RBFOX3: variants seen among roughly 807,000 people sequenced by gnomAD.
The protein encoded by RBFOX3 is RNA binding fox-1 homolog 3.
A neutral mutation model predicts 48.7 loss-of-function variants in RBFOX3; 17 were observed. That is an observed-to-expected ratio of 0.35 (90% CI 0.24 to 0.52). The LOEUF (loss-of-function observed/expected upper bound fraction) is 0.52, where lower values mean the gene tolerates loss of function less well. Among genes scored for constraint, RBFOX3 ranks in the 20% least tolerant of loss-of-function variants. The pLI is 0.94. For missense variants in RBFOX3, 382 were observed against 497.5 expected (o/e 0.77, Z 2.21); for synonymous variants, 212 against 209.5 (o/e 1.01, Z -0.10).
chr17:79,161,522 G>A (rs764940848), intron 4 of RBFOX3, among the ~76,000 whole-genome samples: 1 of 152,322 alleles, frequency 6.6e-6, no homozygotes, highest in East Asian at 1.9e-4. Context: ...AGGCCCGGAA[G>A]CTGGCCTGCC....
chr17:79,152,617 T>TG (rs1378039582), intron 4 of RBFOX3, among the ~76,000 whole-genome samples: 1 of 151,964 alleles, frequency 6.6e-6, no homozygotes. Flanking sequence ...CTCTGGGAGC[T>TG]GGGAGAGGTG....
chr17:79,374,615 G>A (rs760557110), intron 2 of RBFOX3, among the ~76,000 whole-genome samples: 1 of 152,234 alleles, frequency 6.6e-6, no homozygotes, highest in African/African-American at 2.4e-5. Context: ...CAGCGAGGTT[G>A]GCACACGCAC....
intron 2 of RBFOX3, among the ~76,000 whole-genome samples, chr17:79,468,990 A>G (rs1555755410): frequency 7.2e-6 from 1 of 138,208 alleles, no homozygotes; most frequent in Non-Finnish European, 1.6e-5. Flanking sequence ...ATGGATGGAT[A>G]GCAGATAGGC....
At chr17:79,183,717 G>A (rs576290262) in intron 4 of RBFOX3, among the ~76,000 whole-genome samples, 1 of 150,800 alleles carries the variant, frequency 6.6e-6, no homozygotes, top group African/African-American at 2.4e-5. Context: ...GTGAGTGCGC[G>A]CGTGTGCGCG....
chr17:79,470,674 T>C (rs1356744904), intron 2 of RBFOX3, among the ~76,000 whole-genome samples: 1 of 145,146 alleles, frequency 6.9e-6, no homozygotes, highest in African/African-American at 2.9e-5. Context: ...CCTCTCAAAG[T>C]ATCCGTTCTA....
chr17:79,161,296 G>T (rs891903154), intron 4 of RBFOX3, among the ~76,000 whole-genome samples: 2 of 152,166 alleles, frequency 1.3e-5, no homozygotes, highest in Non-Finnish European at 2.9e-5. Context: ...GGACAGGTCA[G>T]GTTGGAGAAG....
chr17:79,273,547 G>T (rs749823255), intron 3 of RBFOX3, among the ~76,000 whole-genome samples: 1 of 139,600 alleles, frequency 7.2e-6, no homozygotes, highest in Non-Finnish European at 1.5e-5. Flanking sequence ...AGCTTGGCAG[G>T]CTATAGGGTA....
intron 4 of RBFOX3, among the ~76,000 whole-genome samples, chr17:79,230,405 A>G (rs1056943945): frequency 1.3e-5 from 2 of 151,904 alleles, no homozygotes; most frequent in East Asian, 1.9e-4. Flanking sequence ...GACTACAGTC[A>G]CCCGCCACCA....
At position 79,243,384 on chromosome 17, in the gene RBFOX3, G is replaced by T. The variant is rs2062686011; in HGVS notation, c.-73-7579C>A. ...TAACTCCAACCTGCCTCCCACCCCAGCACTTGTGCAGCCTCAACGCCCAAC... is the reference window on the plus strand; with the variant it reads ...TAACTCCAACCTGCCTCCCACCCCATCACTTGTGCAGCCTCAACGCCCAAC... On this transcript the variant is annotated intron_variant, in intron 3 of 14. Coordinates refer to ENST00000693108, the MANE Select transcript of RBFOX3 (RefSeq NM_001350451.2). The surrounding 1 kb of genome is among the most constrained non-coding windows in gnomAD (Gnocchi z 7.9). Among the ~76,000 whole-genome samples, 1 of 152,144 alleles carries T rather than the reference G, an allele frequency of 6.6e-6. No individual in the cohort carries two copies. The highest frequency in any genetic ancestry group is 1.5e-5 in the Non-Finnish European group (1 of 68,020).
At chr17:79,211,948 T>C (rs1354254818) in intron 4 of RBFOX3, among the ~76,000 whole-genome samples, 2 of 152,088 alleles carry the variant, frequency 1.3e-5, no homozygotes, top group Non-Finnish European at 2.9e-5. Context: ...ACAAGACAGA[T>C]GAGACCCCTG....
At chr17:79,600,348 A>G (rs1273867621) in intron 1 of RBFOX3, 3 of 150,828 alleles carry the variant, frequency 2.0e-5, no homozygotes, top group Admixed American at 6.6e-5. Flanking sequence ...CACTCTACAC[A>G]CAGGCACATG....
At chr17:79,374,073 G>C (rs2058916717) in intron 2 of RBFOX3, among the ~76,000 whole-genome samples, 1 of 152,180 alleles carries the variant, frequency 6.6e-6, no homozygotes, top group African/African-American at 2.4e-5. Context: ...ATGTTGGCCA[G>C]GCTGGTCTCG....
chr17:79,336,683 C>T (rs986149346), intron 2 of RBFOX3, among the ~76,000 whole-genome samples: 4 of 152,194 alleles, frequency 2.6e-5, no homozygotes, highest in African/African-American at 9.6e-5. Context: ...CAACCAAGGG[C>T]AGCTCATTCA....
At chr17:79,500,687 C>T (rs911669349) in intron 1 of RBFOX3, among the ~76,000 whole-genome samples, 1 of 152,090 alleles carries the variant, frequency 6.6e-6, no homozygotes, top group African/African-American at 2.4e-5. Context: ...GATTATGAAA[C>T]GTCTAGTTCT....
chr17:79,215,741 C>A (rs2058954923), intron 4 of RBFOX3, among the ~76,000 whole-genome samples: 1 of 152,242 alleles, frequency 6.6e-6, no homozygotes, highest in Non-Finnish European at 1.5e-5. Flanking sequence ...CTTGGCTCTG[C>A]TGTAGGCAGC....
chr17:79,297,102 C>CAT (rs1450459960), intron 3 of RBFOX3, among the ~76,000 whole-genome samples: 12,747 of 151,212 alleles, frequency 0.084, 713 homozygotes, highest in East Asian at 0.29. Context: ...TAAAGTGATG[C>CAT]CCAAGGCCCA....
intron 2 of RBFOX3, among the ~76,000 whole-genome samples, chr17:79,442,486 G>T (rs1291397924): frequency 2.6e-5 from 4 of 151,916 alleles, no homozygotes; most frequent in Non-Finnish European, 1.5e-5. Flanking sequence ...ACCCTGCAAG[G>T]CCCCTTGTGG....
In RBFOX3 at chr17:79,480,967, A is replaced by G. The variant is rs2078694498; in HGVS notation, c.-175+1487T>C. On this transcript the variant is annotated intron_variant, in intron 2 of 14. Transcript: ENST00000693108. This position sits in a 1 kb window ranked among gnomAD's most constrained non-coding sequence, Gnocchi z 4.8. ...CAGGGCTCAGCACATCGGGGGCTCA[A>G]GGTTGTGGAATGAACAATGTAGGGC... 6.6e-6 allele frequency among the ~76,000 whole-genome samples: 1 copy of G among 152,200 alleles called. No homozygotes were observed. Among genetic ancestry groups the G allele is most frequent in the Non-Finnish European group, 1.5e-5 (1 of 68,036 alleles).
At position 79,364,705 on chromosome 17, in the gene RBFOX3, GA is replaced by G. The variant is rs2057470693; in HGVS notation, c.-174-56882del. 6.6e-6 allele frequency among the ~76,000 whole-genome samples: 1 copy of G among 152,134 alleles called. No homozygotes were observed. Among genetic ancestry groups the G allele is most frequent in the South Asian group, 2.1e-4 (1 of 4,828 alleles). On this transcript the variant is annotated intron_variant, in intron 2 of 14. Coordinates refer to ENST00000693108, the MANE Select transcript of RBFOX3 (RefSeq NM_001350451.2). The surrounding 1 kb of genome is among the most constrained non-coding windows in gnomAD (Gnocchi z 5.1). ...GGAAGCACGCTCTCCACTGATGGGG[GA>G]CACCATATGGGGCTGGGGACCTAGA... is the stretch of plus-strand genomic sequence containing the variant.
Sources: gnomAD v4.1 joint callset for allele counts (sites outside exome capture counted in the v4.1 genomes callset) on GRCh38, gnomAD v4.1.1 for gene constraint, Gnocchi (gnomAD v3.1) non-coding constraint, MANE v1.5 for transcripts, NCBI Gene and HGNC (gene_info 2026-07-23, HGNC 2026-07-21) for gene names.